The following PTPRE variants were observed in gnomAD, a reference collection of about 807,000 sequenced individuals.
PTPRE encodes receptor-type tyrosine-protein phosphatase epsilon.
Under a neutral mutation model 102.0 loss-of-function variants are expected in PTPRE, and 51 were observed. That is an observed-to-expected ratio of 0.50 (90% CI 0.40 to 0.63). The LOEUF is 0.63. Ranked by LOEUF, PTPRE falls within the 30% of genes least tolerant of loss-of-function variation. PTPRE has a pLI of 0.00. For missense variants in PTPRE, 752 were observed against 915.1 expected (o/e 0.82, Z 2.30); for synonymous variants, 345 against 348.2 (o/e 0.99, Z 0.10).
intron 16 of PTPRE, 26 bp from the exon 17 acceptor site, chr10:128,073,311 T>C: frequency 6.2e-7 from 1 of 1,613,444 alleles, no homozygotes; most frequent in Non-Finnish European, 8.5e-7. Context: ...GAAGTCAGAC[T>C]CTAACCTCTG....
rs537347627 is a variant in PTPRE, at chr10:127,968,533, ATTCTGCAGATCGTTCT to A, written c.-30-13735_-30-13720del. ...AGGGCAGGGGGCCTCCCCAGCCTCC[ATTCTGCAGATCGTTCT>A]TTCTGGGCAATTCATGCTCATTCCC... On this transcript the variant is annotated intron_variant, in intron 1 of 20. Coordinates refer to ENST00000254667, the MANE Select transcript of PTPRE (RefSeq NM_006504.6). Among the ~76,000 whole-genome samples the A allele has an allele frequency of 4.6e-5, 7 of 152,340 alleles. No homozygotes were observed. The South Asian group carries it at 1.4e-3, about 32-fold the overall frequency.
intron 1 of PTPRE, among the ~76,000 whole-genome samples, chr10:127,927,023 G>A (rs1847072098): frequency 6.6e-6 from 1 of 151,804 alleles, no homozygotes; most frequent in South Asian, 2.1e-4. Flanking sequence ...TGTTGGCCAG[G>A]CCAGTCTCGA....
intron 1 of PTPRE, among the ~76,000 whole-genome samples, chr10:127,916,170 C>T (rs1846192965): frequency 6.6e-6 from 1 of 151,976 alleles, no homozygotes; most frequent in South Asian, 2.1e-4. Context: ...GGCTCTGTGT[C>T]CCCACCCAAA....
At chr10:127,991,540 T>G (rs939178269) in intron 2 of PTPRE, among the ~76,000 whole-genome samples, 1 of 152,210 alleles carries the variant, frequency 6.6e-6, no homozygotes, top group African/African-American at 2.4e-5. Flanking sequence ...AATGGAATGC[T>G]CTCTAGAAAA....
At chr10:128,019,699 G>T (rs1214687154) in intron 2 of PTPRE, among the ~76,000 whole-genome samples, 1 of 152,168 alleles carries the variant, frequency 6.6e-6, no homozygotes, top group Non-Finnish European at 1.5e-5. Context: ...TCCACCATGT[G>T]CATTAAGGTT....
At position 127,907,370 on chromosome 10, in the gene PTPRE, C is replaced by T; in HGVS notation, c.-31+61C>T. On this transcript the variant is annotated intron_variant, in intron 1 of 20. Coordinates refer to ENST00000254667, the MANE Select transcript of PTPRE (RefSeq NM_006504.6). The surrounding 1 kb of genome is among the most constrained non-coding windows in gnomAD (Gnocchi z 4.8). Reference sequence around the variant, plus strand: ...GTGGGGAACTGTGCACCCCGGGAGGCCCAAGCAGGCCGGGGCGCTGCCTCG... The same window carrying T: ...GTGGGGAACTGTGCACCCCGGGAGGTCCAAGCAGGCCGGGGCGCTGCCTCG... 1 of 979,530 alleles carries T rather than the reference C, an allele frequency of 1.0e-6. No individual in the cohort carries two copies. Among genetic ancestry groups the T allele is most frequent in the Non-Finnish European group, 1.2e-6 (1 of 825,158 alleles). 60.7% of individuals were successfully genotyped at this position (979,530 alleles called of 1,614,324 possible).
intron 7 of PTPRE, among the ~76,000 whole-genome samples, chr10:128,060,499 C>T (rs1849489847): frequency 6.6e-6 from 1 of 152,190 alleles, no homozygotes; most frequent in Non-Finnish European, 1.5e-5. Context: ...CCTGGGAAGC[C>T]TGGGAGAGTG....
chr10:127,976,315 G>A (rs1242340227), intron 1 of PTPRE, among the ~76,000 whole-genome samples: 1 of 152,162 alleles, frequency 6.6e-6, no homozygotes, highest in Non-Finnish European at 1.5e-5. Context: ...GATAATAATG[G>A]CATAGACAGA....
Position 128,077,654 on chromosome 10 carries a change from G to T in PTPRE, c.1763G>T (p.Arg588Leu). 6.2e-7 allele frequency: 1 copy of T among 1,613,456 alleles called. No individual in the cohort carries two copies. The highest frequency in any genetic ancestry group is 8.5e-7 in the Non-Finnish European group (1 of 1,179,564). Reference sequence around the variant, plus strand: ...CAGGAGGAGCAGGTCCGAGTAGTGCGCCAGTTTCACTTCCACGGCTGGCCT... The same window carrying T: ...CAGGAGGAGCAGGTCCGAGTAGTGCTCCAGTTTCACTTCCACGGCTGGCCT... ...ARQEEQVRVVRQFHFHGWPEI... is the reference protein window; with the variant it reads ...ARQEEQVRVVLQFHFHGWPEI... The change falls in exon 19 of 21, where the codon CGC (arginine) becomes CTC (leucine). Residue 588 changes from arginine to leucine, a missense_variant. Transcript: ENST00000254667.
At chr10:127,910,426 C>T (rs116740077) in intron 1 of PTPRE, among the ~76,000 whole-genome samples, 2,114 of 152,336 alleles carry the variant, frequency 0.014, 54 homozygotes, top group African/African-American at 0.048. Flanking sequence ...TTCCATAGAA[C>T]GTTATTTCTG....
chr10:127,951,139 C>T (rs955317332), intron 1 of PTPRE, among the ~76,000 whole-genome samples: 1 of 151,984 alleles, frequency 6.6e-6, no homozygotes, highest in Admixed American at 6.6e-5. Context: ...AAATTCTTAC[C>T]TGATCTGTAT....
chr10:128,077,565 G>A, intron 18 of PTPRE, 52 bp from the exon 19 acceptor site: 3 of 1,559,680 alleles, frequency 1.9e-6, no homozygotes, highest in Non-Finnish European at 2.6e-6. Context: ...ATGGGGCTGG[G>A]GCCTGTTCCC....
At chr10:128,019,092 T>C (rs1247872790) in intron 2 of PTPRE, among the ~76,000 whole-genome samples, 1 of 152,232 alleles carries the variant, frequency 6.6e-6, no homozygotes, top group South Asian at 2.1e-4. Flanking sequence ...ACCCCAGGCA[T>C]TGGGGCATCC....
At chr10:128,047,358 C>T (rs1848178496) in intron 3 of PTPRE, 32 bp from the exon 4 acceptor site, 1 of 1,607,324 alleles carries the variant, frequency 6.2e-7, no homozygotes, top group Admixed American at 1.7e-5. Flanking sequence ...GAAGTGAGGT[C>T]AGGGGTTAGG....
chr10:128,039,580 A>G (rs770605072), intron 2 of PTPRE, among the ~76,000 whole-genome samples: 1 of 152,186 alleles, frequency 6.6e-6, no homozygotes, highest in Non-Finnish European at 1.5e-5. Flanking sequence ...AATAGTGGTG[A>G]TTACTGAAAC....
intron 1 of PTPRE, among the ~76,000 whole-genome samples, chr10:127,935,610 C>T (rs1847793711): frequency 6.6e-6 from 1 of 152,148 alleles, no homozygotes; most frequent in African/African-American, 2.4e-5. Context: ...CCTGTCTCCA[C>T]CCGAGGGCAC....
intron 2 of PTPRE, among the ~76,000 whole-genome samples, chr10:128,001,198 G>GTA (rs61323751): frequency 5.8e-5 from 5 of 86,720 alleles, no homozygotes; most frequent in Non-Finnish European, 1.3e-4. Context: ...AGAGATCTGA[G>GTA]TGTGTGTGTG....
intron 10 of PTPRE, among the ~76,000 whole-genome samples, chr10:128,065,352 CT>C (rs1265966510): frequency 6.6e-6 from 1 of 152,336 alleles, no homozygotes; most frequent in Non-Finnish European, 1.5e-5. Context: ...TCTTTTCCCC[CT>C]TGAGGTGGGT....
intron 2 of PTPRE, among the ~76,000 whole-genome samples, chr10:128,009,979 G>A (rs1042946554): frequency 2.6e-5 from 4 of 152,186 alleles, no homozygotes; most frequent in African/African-American, 7.2e-5. Context: ...ATGACCATGA[G>A]CTGAGATGGT....
Sources: gnomAD v4.1 joint callset for allele counts (sites outside exome capture counted in the v4.1 genomes callset) on GRCh38, gnomAD v4.1.1 for gene constraint, Gnocchi (gnomAD v3.1) non-coding constraint, MANE v1.5 for transcripts, NCBI Gene and HGNC (gene_info 2026-07-23, HGNC 2026-07-21) for gene names.